AKT3: variants seen among roughly 807,000 people sequenced by gnomAD.
The protein encoded by AKT3 is RAC-gamma serine/threonine-protein kinase.
A neutral mutation model predicts 65.3 loss-of-function variants in AKT3; 15 were observed. That is an observed-to-expected ratio of 0.23 (90% CI 0.15 to 0.35). The LOEUF (loss-of-function observed/expected upper bound fraction) is 0.35, where lower values mean the gene tolerates loss of function less well. Ranked by LOEUF, AKT3 falls within the 10% of genes least tolerant of loss-of-function variation. The pLI is 1.00. For missense variants in AKT3, 243 were observed against 576.5 expected, an observed-to-expected ratio of 0.42 and a Z score of 5.92; for synonymous variants, 206 against 183.8, an observed-to-expected ratio of 1.12 and a Z score of -0.98.
chr1:243,846,544 A>G (rs901968292), intron 1 of AKT3, among the ~76,000 whole-genome samples: 12 of 152,316 alleles, frequency 7.9e-5, no homozygotes, highest in Middle Eastern at 3.4e-3. Flanking sequence ...TTATCTACCC[A>G]TTAGTATTCA....
At chr1:243,824,029 C>T (rs1003799773) in intron 2 of AKT3, among the ~76,000 whole-genome samples, 4 of 152,136 alleles carry the variant, frequency 2.6e-5, no homozygotes, top group African/African-American at 9.7e-5. Flanking sequence ...CTACAGAAAC[C>T]ATAACAGCAT....
chr1:243,507,532 G>A (rs566333269), intron 13 of AKT3, among the ~76,000 whole-genome samples: 10 of 152,326 alleles, frequency 6.6e-5, no homozygotes, highest in South Asian at 2.1e-4. Flanking sequence ...CAGGGGCTGC[G>A]GTGGGAGGGG....
At chr1:243,721,087 C>T (rs1350438451) in intron 2 of AKT3, among the ~76,000 whole-genome samples, 1 of 152,086 alleles carries the variant, frequency 6.6e-6, no homozygotes, top group East Asian at 1.9e-4. Context: ...TTCCTCCTCA[C>T]CAAAGCAGAT....
intron 6 of AKT3, chr1:243,625,061 G>A: frequency 3.2e-6 from 1 of 315,086 alleles, no homozygotes; most frequent in Non-Finnish European, 6.4e-6. Flanking sequence ...CTCCACCCTT[G>A]CCCTTTCCCC....
intron 6 of AKT3, among the ~76,000 whole-genome samples, chr1:243,623,774 C>T (rs550169377): frequency 1.2e-4 from 19 of 152,274 alleles, no homozygotes; most frequent in Admixed American, 2.6e-4. Context: ...TTCCAGATGG[C>T]CTGTCTTGGG....
intron 3 of AKT3, 79 bp downstream of exon 3, chr1:243,695,512 A>G: frequency 7.4e-7 from 1 of 1,345,520 alleles, no homozygotes; most frequent in Non-Finnish European, 1.0e-6. Flanking sequence ...CAGGTTTCTC[A>G]TATAGCCTAA....
chr1:243,813,832 C>A (rs550916975), intron 2 of AKT3, among the ~76,000 whole-genome samples: 5 of 152,278 alleles, frequency 3.3e-5, no homozygotes, highest in South Asian at 2.1e-4. Context: ...GGACTGGGCA[C>A]AGTGACTCAC....
rs1198918778 is a variant in AKT3, at chr1:243,680,912, AG to A, written c.172+14678del. Among the ~76,000 whole-genome samples, 41 of 152,182 alleles carry A rather than the reference AG, an allele frequency of 2.7e-4. 1 individual carries two copies. The highest frequency in any genetic ancestry group is 1.8e-3 in the Admixed American group (27 of 15,264). ...CTTCATGTATTAGTCAAGAATGACA[AG>A]ATCTGATCCATGATACAGACAGACA... On this transcript the variant is annotated intron_variant, in intron 3 of 13. Coordinates refer to ENST00000673466, the MANE Select transcript of AKT3 (RefSeq NM_005465.7).
Position 243,613,678 on chromosome 1 carries a change from C to A in AKT3, c.689G>T (p.Gly230Val), listed in dbSNP as rs2148604316. ...ATTTACTTCTTGACTCACCTCGCCC[C>A]CATTAACATATTCCATCACAAAACA... is the stretch of plus-strand genomic sequence containing the variant. Reference protein sequence around the residue: ...RLCFVMEYVNGGELFFHLSRE... With the variant: ...RLCFVMEYVNVGELFFHLSRE... Residue 230 changes from glycine (G) to valine (V), a missense_variant, in exon 8 of 14, where the codon GGG (glycine) becomes GTG (valine). This residue lies in a region of AKT3 where 61 missense variants were observed against 163.3 expected (regional missense o/e 0.37). Coordinates refer to ENST00000673466, the MANE Select transcript of AKT3 (RefSeq NM_005465.7). The A allele has an allele frequency of 1.3e-6, 2 of 1,593,796 alleles. No individual in the cohort carries two copies. The highest frequency in any genetic ancestry group is 2.3e-5 in the East Asian group (1 of 44,182).
Position 243,693,168 on chromosome 1 carries a change from T to G in AKT3, c.172+2423A>C, listed in dbSNP as rs555295005. On this transcript the variant is annotated intron_variant, in intron 3 of 13. Coordinates refer to ENST00000673466, the MANE Select transcript of AKT3 (RefSeq NM_005465.7). ...GGTAAAATTTCATTAAAACCCATAT[T>G]GATTAAATATGAAGTAATATCTTTA... 4.2e-5 allele frequency among the ~76,000 whole-genome samples: 6 copies of G among 144,380 alleles called. No individual in the cohort carries two copies. The South Asian group carries it at 8.8e-4, about 21-fold the overall frequency. The allele number at this position is 144,380 out of a possible 152,430, so 94.7% of individuals were successfully genotyped here.
chr1:243,773,222 A>G (rs1181816462), intron 2 of AKT3, among the ~76,000 whole-genome samples: 5 of 148,394 alleles, frequency 3.4e-5, no homozygotes, highest in Admixed American at 2.7e-4. Flanking sequence ...ATATATATAT[A>G]TATAAAACAA....
intron 9 of AKT3, among the ~76,000 whole-genome samples, chr1:243,570,706 G>A (rs1036701917): frequency 6.6e-6 from 1 of 152,030 alleles, no homozygotes; most frequent in Non-Finnish European, 1.5e-5. Flanking sequence ...CTGTTACTGT[G>A]GATACAAATA....
intron 3 of AKT3, among the ~76,000 whole-genome samples, chr1:243,676,496 A>C (rs406323): frequency 0.84 from 127,671 of 152,146 alleles, 53,717 homozygotes; most frequent in Non-Finnish European, 0.87. Context: ...TTCTTCAGTC[A>C]CGGCCCTTCT....
At chr1:243,660,652 A>C (rs1024656597) in intron 4 of AKT3, among the ~76,000 whole-genome samples, 2 of 152,238 alleles carry the variant, frequency 1.3e-5, no homozygotes, top group Admixed American at 1.3e-4. Context: ...AACTGGCACA[A>C]GACAGGGATG....
chr1:243,720,832 T>C (rs1686847526), intron 2 of AKT3, among the ~76,000 whole-genome samples: 1 of 152,202 alleles, frequency 6.6e-6, no homozygotes, highest in Non-Finnish European at 1.5e-5. Context: ...TCACGGTATA[T>C]ACTCTTGAGA....
chr1:243,573,443 A>G (rs1674707052), intron 8 of AKT3, among the ~76,000 whole-genome samples: 1 of 152,260 alleles, frequency 6.6e-6, no homozygotes, highest in South Asian at 2.1e-4. Flanking sequence ...TCACTTAATT[A>G]TTTGATTTCA....
intron 2 of AKT3, among the ~76,000 whole-genome samples, chr1:243,740,336 C>A (rs1409822997): frequency 1.3e-5 from 2 of 152,302 alleles, no homozygotes; most frequent in East Asian, 3.9e-4. Context: ...CCCCTTCTTA[C>A]AAGGAGAGCT....
At chr1:243,574,334 A>G (rs1367845075) in intron 8 of AKT3, among the ~76,000 whole-genome samples, 1 of 151,864 alleles carries the variant, frequency 6.6e-6, no homozygotes, top group African/African-American at 2.4e-5. Flanking sequence ...GAGAGAGAGA[A>G]AATATCACCT....
At chr1:243,782,214 T>C (rs188402426) in intron 2 of AKT3, among the ~76,000 whole-genome samples, 1 of 152,222 alleles carries the variant, frequency 6.6e-6, no homozygotes, top group Admixed American at 6.5e-5. Context: ...AGATCAAAAC[T>C]TGTAAAGCGG....
Sources: allele counts gnomAD v4.1 joint callset (sites outside exome capture counted in the v4.1 genomes callset), GRCh38; gene constraint gnomAD v4.1.1; regional missense constraint gnomAD v4.1.1; transcripts MANE v1.5; gene names NCBI Gene and HGNC (gene_info 2026-07-23, HGNC 2026-07-21).